APBB1IP: variants seen among roughly 807,000 people sequenced by gnomAD.
APBB1IP encodes the protein amyloid beta A4 precursor protein-binding family B member 1-interacting protein.
APBB1IP carries 27 observed loss-of-function variants against 64.9 expected under a neutral mutation model. The observed-to-expected ratio is 0.42, with a 90% confidence interval of 0.31 to 0.57. The LOEUF is 0.57. APBB1IP is among the 20% of genes least tolerant of loss of function. The pLI, the probability that APBB1IP is intolerant of heterozygous loss-of-function variation, is 0.20. For synonymous variants in APBB1IP, 392 were observed against 331.0 expected (o/e 1.18, Z -2.00); for missense variants, 812 against 845.5 (o/e 0.96, Z 0.49).
intron 2 of APBB1IP, among the ~76,000 whole-genome samples, chr10:26,465,346 T>C (rs1388047404): frequency 6.6e-6 from 1 of 152,190 alleles, no homozygotes; most frequent in African/African-American, 2.4e-5. Flanking sequence ...TGACACTCTG[T>C]AGACAGGTAC....
At chr10:26,451,348 C>T (rs984269948) in intron 2 of APBB1IP, among the ~76,000 whole-genome samples, 6 of 152,140 alleles carry the variant, frequency 3.9e-5, no homozygotes, top group East Asian at 1.9e-4. Context: ...CTCAGCTTCC[C>T]GAAGTACTGA....
chr10:26,491,105 C>A (rs1835949666), intron 2 of APBB1IP, among the ~76,000 whole-genome samples: 1 of 152,002 alleles, frequency 6.6e-6, no homozygotes, highest in Non-Finnish European at 1.5e-5. Flanking sequence ...ATGATGAAAC[C>A]TCGTCTCTAC....
chr10:26,450,363 T>G (rs1232819817), intron 2 of APBB1IP, among the ~76,000 whole-genome samples: 1 of 152,004 alleles, frequency 6.6e-6, no homozygotes, highest in African/African-American at 2.4e-5. Context: ...AAGTATTATC[T>G]CCTTGTATTT....
chr10:26,479,451 A>T (rs1483181856), intron 2 of APBB1IP, among the ~76,000 whole-genome samples: 1 of 152,226 alleles, frequency 6.6e-6, no homozygotes, highest in Non-Finnish European at 1.5e-5. Flanking sequence ...TGTATAATTT[A>T]TAAAGTGTAT....
intron 6 of APBB1IP, among the ~76,000 whole-genome samples, chr10:26,503,762 C>T (rs143151713): frequency 6.6e-6 from 1 of 152,310 alleles, no homozygotes; most frequent in African/African-American, 2.4e-5. Context: ...CATCAGTTAG[C>T]TCACTTGTGA....
chr10:26,500,993 A>T lies in APBB1IP; in HGVS notation c.335A>T (p.Tyr112Phe). The stretch of plus-strand genomic sequence containing the variant: ...TTCAGTGGTGCAGCCTCTCTTGGTT[A>T]TGGAACAAATGTTGCTGCCACTGGT... Reference protein sequence around the residue: ...SIFSGAASLGYGTNVAATGIS... With the variant: ...SIFSGAASLGFGTNVAATGIS... The change falls in exon 5 of 15, where the codon TAT (tyrosine) becomes TTT (phenylalanine). Residue 112 changes from tyrosine (Y) to phenylalanine (F), a missense_variant. Around this residue, in one of 3 missense-constraint regions of APBB1IP, gnomAD observed 394 missense variants for 413.1 expected, o/e 0.95. Coordinates refer to ENST00000376236, the MANE Select transcript of APBB1IP (RefSeq NM_019043.4). 6.2e-7 allele frequency: 1 copy of T among 1,614,204 alleles called. No individual in the cohort carries two copies. Among genetic ancestry groups the T allele is most frequent in the Non-Finnish European group, 8.5e-7 (1 of 1,180,030 alleles).
At position 26,567,148 on chromosome 10, in the gene APBB1IP, TGCCGCCGCCGCCACC is replaced by T. The variant is rs1483821691; in HGVS notation, c.1671_1685del (p.Pro558_Pro562del). The T allele has an allele frequency of 1.5e-5, 21 of 1,414,992 alleles. No individual in the cohort carries two copies. The African/African-American group carries it at 3.1e-4, about 21-fold the overall frequency. 87.7% of individuals were successfully genotyped at this position (1,414,992 alleles called of 1,614,324 possible). Reference sequence around the variant, plus strand: ...TTGCCCGCCCCACCCGACGACTTCCTGCCGCCGCCGCCACCGCCGCCGCCCCTCGATGACCCTGAG... The same window carrying T: ...TTGCCCGCCCCACCCGACGACTTCCTGCCGCCGCCCCTCGATGACCCTGAG... On this transcript the variant is annotated inframe_deletion, in exon 15 of 15. Transcript: ENST00000376236.
At chr10:26,449,868 A>T (rs1027009373) in intron 2 of APBB1IP, among the ~76,000 whole-genome samples, 1 of 152,104 alleles carries the variant, frequency 6.6e-6, no homozygotes, top group African/African-American at 2.4e-5. Flanking sequence ...AAAGCCAGAC[A>T]TGGTGGCATT....
intron 5 of APBB1IP, among the ~76,000 whole-genome samples, chr10:26,502,864 A>G (rs926930309): frequency 6.6e-6 from 1 of 152,126 alleles, no homozygotes; most frequent in South Asian, 2.1e-4. Context: ...AAATATACGA[A>G]CCACTGTTAA....
At chr10:26,513,706 T>A (rs1267998196) in intron 8 of APBB1IP, 46 bp downstream of exon 8, 1 of 802,130 alleles carries the variant, frequency 1.2e-6, no homozygotes, top group Non-Finnish European at 1.7e-6. Context: ...TACAAAGGAT[T>A]TTTTTTTTTT....
chr10:26,496,533 G>T (rs1476301771), intron 4 of APBB1IP, 142 bp downstream of exon 4: 10 of 666,828 alleles, frequency 1.5e-5, no homozygotes, highest in Non-Finnish European at 2.0e-5. Flanking sequence ...TTCAGACTGG[G>T]TTTTACTGTG....
At position 26,513,613 on chromosome 10, in the gene APBB1IP, C is replaced by T. The variant is rs1220430390; in HGVS notation, c.766C>T (p.Leu256=). The change falls in exon 8 of 15, where the codon CTA becomes TTA. Residue 256 remains leucine, a synonymous_variant. Transcript: ENST00000376236. The part of the protein sequence containing the change: ...DWTRDTENKI[L]FLEKEEKYAV... Reference sequence around the variant, plus strand: ...GACAAGAGACACAGAAAATAAAATACTATTTTTGGAGAAAGAGGAGAAATA... The same window carrying T: ...GACAAGAGACACAGAAAATAAAATATTATTTTTGGAGAAAGAGGAGAAATA... 1.9e-6 allele frequency: 3 copies of T among 1,613,016 alleles called. No individual in the cohort carries two copies. The highest frequency in any genetic ancestry group is 1.7e-5 in the Admixed American group (1 of 59,868).
intron 11 of APBB1IP, among the ~76,000 whole-genome samples, chr10:26,544,507 T>A (rs1836736314): frequency 6.6e-6 from 1 of 152,282 alleles, no homozygotes; most frequent in Non-Finnish European, 1.5e-5. Context: ...TAGAACTCAC[T>A]CTAACCATCA....
At chr10:26,485,745 T>C (rs1272383683) in intron 2 of APBB1IP, among the ~76,000 whole-genome samples, 1 of 152,212 alleles carries the variant, frequency 6.6e-6, no homozygotes, top group Non-Finnish European at 1.5e-5. Flanking sequence ...TTTACTGACA[T>C]GTTTACCAAG....
chr10:26,501,199 T>C (rs1186101420), intron 5 of APBB1IP, 88 bp downstream of exon 5: 1 of 1,564,672 alleles, frequency 6.4e-7, no homozygotes, highest in East Asian at 2.3e-5. Flanking sequence ...CATTCCTAAG[T>C]TGGTACATCC....
chr10:26,454,696 AT>A (rs2132401527), intron 2 of APBB1IP, among the ~76,000 whole-genome samples: 1 of 152,306 alleles, frequency 6.6e-6, no homozygotes, highest in East Asian at 1.9e-4. Flanking sequence ...TTAATTGTAC[AT>A]TTTAAAATAA....
chr10:26,500,200 G>T (rs1836078883), intron 4 of APBB1IP, among the ~76,000 whole-genome samples: 1 of 134,844 alleles, frequency 7.4e-6, no homozygotes. Context: ...AATAGATTAA[G>T]ACTCTGTCTC....
intron 11 of APBB1IP, among the ~76,000 whole-genome samples, chr10:26,553,103 C>T (rs578105493): frequency 6.6e-6 from 1 of 152,030 alleles, no homozygotes; most frequent in East Asian, 1.9e-4. Context: ...CTCACTGCAA[C>T]CTCCGCCTCC....
intron 3 of APBB1IP, among the ~76,000 whole-genome samples, chr10:26,495,599 G>A (rs544561963): frequency 6.2e-5 from 9 of 145,502 alleles, no homozygotes; most frequent in South Asian, 4.3e-4. Flanking sequence ...TAAGACCCCC[G>A]TCTCATTTTT....
Sources: allele counts gnomAD v4.1 joint callset (sites outside exome capture counted in the v4.1 genomes callset), GRCh38; gene constraint gnomAD v4.1.1; regional missense constraint gnomAD v4.1.1; transcripts MANE v1.5; gene names NCBI Gene and HGNC (gene_info 2026-07-23, HGNC 2026-07-21).